Variants in OSBP2 observed in about 807,000 individuals in gnomAD.
OSBP2 encodes the protein oxysterol-binding protein 2.
A neutral mutation model predicts 96.0 loss-of-function variants in OSBP2; 66 were observed. The ratio of observed to expected loss-of-function variants is 0.69; its 90% CI spans 0.56 to 0.84. The LOEUF is 0.84. Among genes scored for constraint, OSBP2 ranks in the 40% least tolerant of loss-of-function variants. The pLI is 0.00. For synonymous variants in OSBP2, 525 were observed against 520.9 expected, an observed-to-expected ratio of 1.01 and a Z score of -0.11; for missense variants, 1,038 against 1,222.7, an observed-to-expected ratio of 0.85 and a Z score of 2.25.
intron 1 of OSBP2, among the ~76,000 whole-genome samples, chr22:30,736,357 C>A (rs1272126970): frequency 6.6e-6 from 1 of 152,208 alleles, no homozygotes; most frequent in Non-Finnish European, 1.5e-5. Flanking sequence ...ACCCACTCTT[C>A]TTTGTCTAGT....
rs546361508 is a variant in OSBP2, at chr22:30,778,512, G to A, written c.853+37143G>A. On this transcript the variant is annotated intron_variant, in intron 2 of 13. Coordinates refer to ENST00000332585, the MANE Select transcript of OSBP2 (RefSeq NM_030758.4). Reference sequence around the variant, plus strand: ...GTGGTTGGACACTTGAGCAGCCTGCGGTTATGGCCTGTTATAACACCCACT... The same window carrying A: ...GTGGTTGGACACTTGAGCAGCCTGCAGTTATGGCCTGTTATAACACCCACT... 3.9e-5 allele frequency among the ~76,000 whole-genome samples: 6 copies of A among 152,152 alleles called. No homozygotes were observed. The East Asian group carries it at 7.8e-4, about 20-fold the overall frequency.
rs1238306325 is a variant in OSBP2 at position 30,870,838 on chromosome 22, G to A, written c.1107+156G>A. On this transcript the variant is annotated intron_variant, in intron 3 of 13. Coordinates refer to ENST00000332585, the MANE Select transcript of OSBP2 (RefSeq NM_030758.4). This position sits in a 1 kb window ranked among gnomAD's most constrained non-coding sequence, Gnocchi z 4.1. ...CCAGCGCCCCCCAGCTAGCTTCCGAGTTCTTAAATCATCTCCTTCACTCGG... is the reference window on the plus strand; with the variant it reads ...CCAGCGCCCCCCAGCTAGCTTCCGAATTCTTAAATCATCTCCTTCACTCGG... 6.6e-6 allele frequency among the ~76,000 whole-genome samples: 1 copy of A among 152,168 alleles called. No individual in the cohort carries two copies. The highest frequency in any genetic ancestry group is 2.4e-5 in the African/African-American group (1 of 41,432).
rs929254962 is a variant in OSBP2, at chr22:30,905,978, CGAGAAGCAGCGGCTGGAG to C, written c.2529_2546del (p.Glu845_Leu850del). The C allele has an allele frequency of 6.9e-6, 11 of 1,604,842 alleles. No individual in the cohort carries two copies. Among genetic ancestry groups the C allele is most frequent in the Non-Finnish European group, 8.5e-6 (10 of 1,176,296 alleles). ...AGGGCCGTTGGGACGAGGCCAATACCGAGAAGCAGCGGCTGGAGGAGAAGCAGCGCCTGTCGCGGCGCC... is the reference window on the plus strand; with the variant it reads ...AGGGCCGTTGGGACGAGGCCAATACCGAGAAGCAGCGCCTGTCGCGGCGCC... On this transcript the variant is annotated inframe_deletion, in exon 13 of 14. Transcript: ENST00000332585.
At chr22:30,814,525 G>A (rs1355879865) in intron 2 of OSBP2, among the ~76,000 whole-genome samples, 1 of 150,532 alleles carries the variant, frequency 6.6e-6, no homozygotes, top group East Asian at 2.0e-4. Flanking sequence ...TCCGCCTCCC[G>A]GGTTCAAGTG....
chr22:30,840,623 A>T (rs1000361014), intron 2 of OSBP2, among the ~76,000 whole-genome samples: 1 of 152,196 alleles, frequency 6.6e-6, no homozygotes, highest in Admixed American at 6.5e-5. Flanking sequence ...GTAAGATGGG[A>T]TTGATAATAA....
chr22:30,788,621 C>T (rs187227013), intron 2 of OSBP2, among the ~76,000 whole-genome samples: 1 of 152,338 alleles, frequency 6.6e-6, no homozygotes, highest in East Asian at 1.9e-4. Flanking sequence ...GTAGCTCCAG[C>T]ATAATGAGTC....
rs139174051 is a variant in OSBP2 at position 30,735,240 on chromosome 22, T to C, written c.645-5921T>C. On this transcript the variant is annotated intron_variant, in intron 1 of 13. Transcript: ENST00000332585. ...AAAAAGTAACACTAACTAGAATGAG[T>C]AAAGGATCAATTTAGATTTGGATGC... 1.9e-3 allele frequency among the ~76,000 whole-genome samples: 296 copies of C among 152,136 alleles called. 2 individuals are homozygous for C. In the East Asian group the frequency reaches 0.036, roughly 19 times the overall value.
At chr22:30,778,634 T>C (rs1279934266) in intron 2 of OSBP2, among the ~76,000 whole-genome samples, 1 of 152,090 alleles carries the variant, frequency 6.6e-6, no homozygotes, top group Non-Finnish European at 1.5e-5. Flanking sequence ...GCTCTTGATT[T>C]CCCCTGTCCT....
At chr22:30,744,186 T>G (rs1006001505) in intron 2 of OSBP2, among the ~76,000 whole-genome samples, 9 of 152,190 alleles carry the variant, frequency 5.9e-5, no homozygotes, top group Admixed American at 2.0e-4. Flanking sequence ...TTTGATGGCC[T>G]TCTGTTAAAG....
intron 2 of OSBP2, among the ~76,000 whole-genome samples, chr22:30,806,188 T>C (rs1205494638): frequency 6.6e-6 from 1 of 152,176 alleles, no homozygotes; most frequent in Non-Finnish European, 1.5e-5. Context: ...AAGGTCTGAC[T>C]CTGGCCCTGC....
chr22:30,901,520 G>GGC (rs1187489325), intron 12 of OSBP2, among the ~76,000 whole-genome samples: 2 of 152,202 alleles, frequency 1.3e-5, no homozygotes, highest in Non-Finnish European at 2.9e-5. Flanking sequence ...CAATATCTCT[G>GGC]ATACATTGCT....
At chr22:30,720,010 C>A (rs191524297) in intron 1 of OSBP2, among the ~76,000 whole-genome samples, 1 of 152,152 alleles carries the variant, frequency 6.6e-6, no homozygotes, top group Non-Finnish European at 1.5e-5. Flanking sequence ...GCTGATTGTT[C>A]CTTAAACAAC....
At chr22:30,811,419 C>A (rs921605292) in intron 2 of OSBP2, among the ~76,000 whole-genome samples, 1 of 151,328 alleles carries the variant, frequency 6.6e-6, no homozygotes, top group African/African-American at 2.4e-5. Context: ...GATCTCAGCT[C>A]ACCACAACCT....
intron 3 of OSBP2, among the ~76,000 whole-genome samples, chr22:30,880,792 G>A (rs748015769): frequency 6.6e-6 from 1 of 152,180 alleles, no homozygotes; most frequent in Non-Finnish European, 1.5e-5. Flanking sequence ...CTCTTCCTGG[G>A]GTGCATCTGG....
chr22:30,900,281 A>G (rs2040168216), intron 12 of OSBP2, among the ~76,000 whole-genome samples: 1 of 152,042 alleles, frequency 6.6e-6, no homozygotes, highest in South Asian at 2.1e-4. Flanking sequence ...TTAACAGCAT[A>G]TAACATCAAG....
intron 1 of OSBP2, among the ~76,000 whole-genome samples, chr22:30,717,442 A>G (rs997216039): frequency 1.3e-5 from 2 of 152,174 alleles, no homozygotes; most frequent in Non-Finnish European, 2.9e-5. Context: ...GCCTTTTGAA[A>G]AACGCCTACA....
chr22:30,890,725 C>T lies in OSBP2; in HGVS notation c.1624-3C>T, dbSNP rs772303254. ...GCCTGACCACCCACCTGTCCACCCA[C>T]AGGTGAACTTCAATGAGCCCCTGTC... On this transcript the variant is annotated splice_region_variant and splice_polypyrimidine_tract_variant and intron_variant, in intron 7 of 13. Coordinates refer to ENST00000332585, the MANE Select transcript of OSBP2 (RefSeq NM_030758.4). The surrounding 1 kb of genome is among the most constrained non-coding windows in gnomAD (Gnocchi z 4.4). 2.5e-6 allele frequency: 4 copies of T among 1,611,828 alleles called. No homozygotes were observed. The highest frequency in any genetic ancestry group is 3.4e-6 in the Non-Finnish European group (4 of 1,179,916).
intron 2 of OSBP2, among the ~76,000 whole-genome samples, chr22:30,831,785 A>G (rs979966882): frequency 3.5e-4 from 54 of 152,214 alleles, no homozygotes; most frequent in Admixed American, 6.5e-4. Flanking sequence ...CAGAGGTCCC[A>G]ATCCAGGCAT....
Position 30,792,380 on chromosome 22 carries a change from G to A in OSBP2, c.853+51011G>A, listed in dbSNP as rs921553936. 2.0e-5 allele frequency among the ~76,000 whole-genome samples: 3 copies of A among 152,024 alleles called. No individual in the cohort carries two copies. The East Asian group carries it at 5.8e-4, about 29-fold the overall frequency. On this transcript the variant is annotated intron_variant, in intron 2 of 13. Transcript: ENST00000332585. ...GATAAGAAATAGTTTATGAATACAAGTATTTTTTTCATCCACCATCTGCAG... is the reference window on the plus strand; with the variant it reads ...GATAAGAAATAGTTTATGAATACAAATATTTTTTTCATCCACCATCTGCAG...
Sources: gnomAD v4.1 joint callset for allele counts (sites outside exome capture counted in the v4.1 genomes callset) on GRCh38, gnomAD v4.1.1 for gene constraint, Gnocchi (gnomAD v3.1) non-coding constraint, MANE v1.5 for transcripts, NCBI Gene and HGNC (gene_info 2026-07-23, HGNC 2026-07-21) for gene names.